LAMA3: variants seen among roughly 807,000 people sequenced by gnomAD.
LAMA3 encodes laminin subunit alpha 3, also known as laminin subunit alpha-3.
In LAMA3, 281 loss-of-function variants were observed where a neutral mutation model predicts 402.0. The observed-to-expected ratio is 0.70, with a 90% CI of 0.63 to 0.77. The LOEUF (loss-of-function observed/expected upper bound fraction) is 0.77, where lower values mean the gene tolerates loss of function less well. LAMA3 is among the 30% of genes least tolerant of loss of function. The pLI, the probability that LAMA3 is intolerant of heterozygous loss-of-function variation, is 0.00. For synonymous variants in LAMA3, 1,431 were observed against 1,558.4 expected, an observed-to-expected ratio of 0.92 and a Z score of 1.93; for missense variants, 3,840 against 4,215.5, an observed-to-expected ratio of 0.91 and a Z score of 2.47.
intron 55 of LAMA3, among the ~76,000 whole-genome samples, chr18:23,912,027 A>G (rs934068515): frequency 6.9e-6 from 1 of 145,830 alleles, no homozygotes; most frequent in East Asian, 1.9e-4. Context: ...ATACATAATT[A>G]TATATAAATT....
intron 1 of LAMA3, among the ~76,000 whole-genome samples, chr18:23,698,648 T>G (rs1306181621): frequency 6.6e-6 from 1 of 152,270 alleles, no homozygotes; most frequent in East Asian, 1.9e-4. Context: ...TTTGAGGTGA[T>G]TCTTAAAGTA....
In LAMA3 at chr18:23,770,634, G is replaced by A. The variant is rs543357555; in HGVS notation, c.1183-2863G>A. Among the ~76,000 whole-genome samples, 5 of 152,160 alleles carry A rather than the reference G, an allele frequency of 3.3e-5. No homozygotes were observed. The East Asian group carries it at 7.7e-4, about 24-fold the overall frequency. ...AAATTAGCCGGGCATGGTGGCGGGC[G>A]CCTGTAGTCCCAGCTACTCGGGAGG... On this transcript the variant is annotated intron_variant, in intron 8 of 74. Transcript: ENST00000313654.
chr18:23,916,945 G>T (rs1018464224), intron 60 of LAMA3, among the ~76,000 whole-genome samples: 3 of 151,762 alleles, frequency 2.0e-5, no homozygotes, highest in Non-Finnish European at 2.9e-5. Flanking sequence ...TGTCACAGGG[G>T]TTTGGTGCAC....
chr18:23,811,216 T>G (rs998902889), intron 13 of LAMA3, among the ~76,000 whole-genome samples: 69 of 152,226 alleles, frequency 4.5e-4, no homozygotes, highest in African/African-American at 1.5e-3. Flanking sequence ...TCCACAAATT[T>G]CCCTGGGCTC....
chr18:23,854,971 G>A (rs773819137), intron 32 of LAMA3, among the ~76,000 whole-genome samples: 21 of 151,618 alleles, frequency 1.4e-4, no homozygotes, highest in African/African-American at 3.4e-4. Flanking sequence ...GTGACAGAGC[G>A]AGACTCCGTC....
intron 23 of LAMA3, among the ~76,000 whole-genome samples, chr18:23,830,919 A>G (rs987854796): frequency 5.3e-5 from 8 of 152,276 alleles, no homozygotes; most frequent in South Asian, 2.1e-4. Flanking sequence ...TGATGTTTCA[A>G]AGCAACCTCA....
Position 23,745,423 on chromosome 18 carries a change from TC to T in LAMA3, c.448-2516del, listed in dbSNP as rs563932300. Among the ~76,000 whole-genome samples, 168 of 152,180 alleles carry T rather than the reference TC, an allele frequency of 1.1e-3. 2 individuals carry two copies. The highest frequency in any genetic ancestry group is 3.9e-3 in the African/African-American group (162 of 41,524). ...CACTTGAGATATATCATAACATAGC[TC>T]CCCACCCCTGGGCTCTCTAGAATAG... On this transcript the variant is annotated intron_variant, in intron 2 of 74. Coordinates refer to ENST00000313654, the MANE Select transcript of LAMA3 (RefSeq NM_198129.4).
chr18:23,841,095 G>A (rs529288522), intron 27 of LAMA3, among the ~76,000 whole-genome samples: 3 of 152,280 alleles, frequency 2.0e-5, no homozygotes, highest in African/African-American at 7.2e-5. Context: ...CTGAGCGACA[G>A]AATCAAATAA....
At chr18:23,711,873 A>G (rs1010061954) in intron 1 of LAMA3, among the ~76,000 whole-genome samples, 2 of 152,230 alleles carry the variant, frequency 1.3e-5, no homozygotes, top group Admixed American at 6.5e-5. Flanking sequence ...CCTCACATCA[A>G]TAATGTGGAG....
rs201907270 is a variant in LAMA3, at chr18:23,775,813, A to G, written c.1295A>G (p.His432Arg). ...TTAGCCTGCAGCTGTGACCCTGAGC[A>G]TGCGGATGGCTGTGAACAGGGTTCA... Reference protein sequence around the residue: ...GCIPCSCDPEHADGCEQGSGR... With the variant: ...GCIPCSCDPERADGCEQGSGR... The change falls in exon 10 of 75, where the codon CAT (histidine) becomes CGT (arginine). Residue 432 changes from histidine to arginine, a missense_variant. Physicochemically the swap from His to Arg is conservative, Grantham distance 29. This residue lies in a region of LAMA3 where 2,109 missense variants were observed against 2,376.0 expected (regional missense o/e 0.89). Transcript: ENST00000313654. The G allele has an allele frequency of 9.3e-6, 15 of 1,614,046 alleles. No individual in the cohort carries two copies. The African/African-American group carries it at 1.9e-4, about 20-fold the overall frequency.
At position 23,886,315 on chromosome 18, in the gene LAMA3, A is replaced by G. The variant is rs573278874; in HGVS notation, c.5303+1462A>G. ...AATGAGTGACTACCTACCACAATGGATATTGGAAAGGATCAATATTTTAAA... is the reference window on the plus strand; with the variant it reads ...AATGAGTGACTACCTACCACAATGGGTATTGGAAAGGATCAATATTTTAAA... On this transcript the variant is annotated intron_variant, in intron 41 of 74. Coordinates refer to ENST00000313654, the MANE Select transcript of LAMA3 (RefSeq NM_198129.4). 5.5e-4 allele frequency among the ~76,000 whole-genome samples: 84 copies of G among 152,312 alleles called. 1 individual carries two copies. The highest frequency in any genetic ancestry group is 1.5e-4 in the Non-Finnish European group (10 of 68,028).
chr18:23,932,406 C>A (rs2082189167), intron 66 of LAMA3, 115 bp downstream of exon 66: 1 of 1,140,822 alleles, frequency 8.8e-7, no homozygotes, highest in Non-Finnish European at 1.3e-6. Context: ...ACGAGACCCG[C>A]ATACCACAGT....
intron 41 of LAMA3, among the ~76,000 whole-genome samples, chr18:23,889,365 C>T (rs2080561146): frequency 6.6e-6 from 1 of 151,814 alleles, no homozygotes; most frequent in South Asian, 2.1e-4. Flanking sequence ...AGTTCAAGAC[C>T]AGTCTGGGCA....
intron 12 of LAMA3, among the ~76,000 whole-genome samples, chr18:23,791,975 C>T (rs1421102187): frequency 1.3e-5 from 2 of 152,096 alleles, no homozygotes; most frequent in African/African-American, 4.8e-5. Flanking sequence ...ATGATATATA[C>T]AAAATTCCAA....
chr18:23,887,565 A>G (rs1311567516), intron 41 of LAMA3, among the ~76,000 whole-genome samples: 1 of 152,230 alleles, frequency 6.6e-6, no homozygotes, highest in East Asian at 1.9e-4. Flanking sequence ...AAGCTTTTTC[A>G]TGGATAAATG....
At position 23,946,184 on chromosome 18, in the gene LAMA3, T is replaced by C; in HGVS notation, c.9251T>C (p.Val3084Ala). The C allele has an allele frequency of 6.2e-7, 1 of 1,614,108 alleles. No homozygotes were observed. Among genetic ancestry groups the C allele is most frequent in the Non-Finnish European group, 8.5e-7 (1 of 1,179,972 alleles). Reference protein sequence around the residue: ...GHDGEKGRLVVDGLRAREGSL... With the variant: ...GHDGEKGRLVADGLRAREGSL... The stretch of plus-strand genomic sequence containing the variant: ...GATGGGGAAAAGGGGCGCTTGGTTG[T>C]GGATGGACTGAGGGCCCGGGAGGGA... Residue 3084 changes from valine to alanine, a missense_variant, in exon 70 of 75, where the codon GTG becomes GCG. Val to Ala is a moderately conservative substitution (Grantham distance 64, BLOSUM62 0). Transcript: ENST00000313654.
chr18:23,900,057 TTGTG>T (rs1190915077), intron 47 of LAMA3, among the ~76,000 whole-genome samples: 1 of 78,470 alleles, frequency 1.3e-5, no homozygotes, highest in African/African-American at 3.2e-5. Context: ...GAAATGAACT[TTGTG>T]TGTGTGTGCG....
chr18:23,875,278 TG>T lies in LAMA3; in HGVS notation c.4999-1015del, dbSNP rs576613579. 6.6e-5 allele frequency among the ~76,000 whole-genome samples: 10 copies of T among 152,298 alleles called. No homozygotes were observed. The South Asian group carries it at 1.0e-3, about 16-fold the overall frequency. On this transcript the variant is annotated intron_variant, in intron 38 of 74. Coordinates refer to ENST00000313654, the MANE Select transcript of LAMA3 (RefSeq NM_198129.4). ...TTTTAATGGCTGGTATAAGAAGAAT[TG>T]TTTTTTTTCTGTTGGAGGGATTCTT...
chr18:23,805,019 G>A (rs2062934970), intron 12 of LAMA3, among the ~76,000 whole-genome samples: 1 of 152,116 alleles, frequency 6.6e-6, no homozygotes, highest in Non-Finnish European at 1.5e-5. Context: ...CTAGCCCCAG[G>A]TATTTCTTTA....
Sources: allele counts gnomAD v4.1 joint callset (sites outside exome capture counted in the v4.1 genomes callset), GRCh38; gene constraint gnomAD v4.1.1; regional missense constraint gnomAD v4.1.1; transcripts MANE v1.5; gene names NCBI Gene and HGNC (gene_info 2026-07-23, HGNC 2026-07-21).